ZNG1E: variants seen among roughly 807,000 people sequenced by gnomAD.
ZNG1E encodes the protein Zn regulated GTPase metalloprotein activator 1E.
At chr9:65,726,595 T>A in the ZNG1E span, among the ~76,000 whole-genome samples, 1 of 34,820 alleles carries the variant, frequency 2.9e-5, no homozygotes, top group African/African-American at 9.0e-5. Context: ...CTTATAGAAA[T>A]ATAAAATGCT....
At chr9:65,684,551 C>CACACGCACACAG in the ZNG1E span, among the ~76,000 whole-genome samples, 1 of 128,704 alleles carries the variant, frequency 7.8e-6, no homozygotes, top group African/African-American at 2.8e-5. Context: ...CACACGCACG[C>CACACGCACACAG]ACACACACAC....
chr9:65,694,797 C>CTGTG, the ZNG1E span: 1 of 116,472 alleles, frequency 8.6e-6, no homozygotes, highest in South Asian at 3.8e-4. Context: ...AAATGGTACC[C>CTGTG]TGTGGCCAGC....
chr9:65,662,549 A>G, the ZNG1E span, among the ~76,000 whole-genome samples: 1 of 151,670 alleles, frequency 6.6e-6, no homozygotes, highest in Non-Finnish European at 1.5e-5. Flanking sequence ...GTAAGTTGAA[A>G]TTGTTTCAAA....
chr9:65,672,421 A>C, the ZNG1E span, among the ~76,000 whole-genome samples: 1 of 151,242 alleles, frequency 6.6e-6, no homozygotes, highest in Non-Finnish European at 1.5e-5. Flanking sequence ...TCAATTTAAC[A>C]ATTTAACAAT....
At chr9:65,722,671 C>T in the ZNG1E span, among the ~76,000 whole-genome samples, 1 of 70,870 alleles carries the variant, frequency 1.4e-5, no homozygotes, top group African/African-American at 5.8e-5. Flanking sequence ...GCTGGGATTA[C>T]AGGCATGTAC....
chr9:65,719,543 A>G, the ZNG1E span: 1 of 124,576 alleles, frequency 8.0e-6, no homozygotes, highest in Admixed American at 8.5e-5. Context: ...AACTGACTAT[A>G]TAGAAAATTT....
At chr9:65,673,978 T>A in the ZNG1E span, among the ~76,000 whole-genome samples, 1 of 152,400 alleles carries the variant, frequency 6.6e-6, no homozygotes, top group East Asian at 1.9e-4. Flanking sequence ...TGACTGTGGG[T>A]GCAATGTTAC....
the ZNG1E span, among the ~76,000 whole-genome samples, chr9:65,714,808 A>G: frequency 2.6e-5 from 4 of 151,924 alleles, no homozygotes; most frequent in African/African-American, 9.7e-5. Flanking sequence ...CAAAGCTGTC[A>G]GACAGGGACA....
the ZNG1E span, among the ~76,000 whole-genome samples, chr9:65,721,314 A>G: frequency 7.1e-6 from 1 of 140,474 alleles, no homozygotes; most frequent in Non-Finnish European, 1.5e-5. Context: ...AAAGAATGAA[A>G]AGCTGTGTTT....
At chr9:65,668,173 T>A in the ZNG1E span, among the ~76,000 whole-genome samples, 1 of 151,930 alleles carries the variant, frequency 6.6e-6, no homozygotes, top group South Asian at 2.1e-4. Context: ...GTTATAATTT[T>A]ATGAATGCAC....
chr9:65,701,192 T>G, the ZNG1E span: 13 of 145,148 alleles, frequency 9.0e-5, no homozygotes, highest in Non-Finnish European at 1.2e-4. Flanking sequence ...GGCTCAAAAT[T>G]ACTATTCTTA....
chr9:65,693,579 A>G, the ZNG1E span: 11 of 780,136 alleles, frequency 1.4e-5, no homozygotes, highest in South Asian at 1.7e-5. Flanking sequence ...TTTTTTTGAG[A>G]CAGAGTCTCA....
chr9:65,671,532 C>A, the ZNG1E span, among the ~76,000 whole-genome samples: 1 of 152,092 alleles, frequency 6.6e-6, no homozygotes, highest in Non-Finnish European at 1.5e-5. Flanking sequence ...GTTGGCCAAG[C>A]TGATCTCAAG....
At chr9:65,669,793 C>T in the ZNG1E span, among the ~76,000 whole-genome samples, 1 of 152,036 alleles carries the variant, frequency 6.6e-6, no homozygotes, top group Admixed American at 6.6e-5. Context: ...TTTTCACCTG[C>T]TAGTCATCTT....
the ZNG1E span, among the ~76,000 whole-genome samples, chr9:65,658,958 C>T: frequency 6.6e-6 from 1 of 151,588 alleles, no homozygotes; most frequent in Non-Finnish European, 1.5e-5. Context: ...AAAGGCCCCA[C>T]GTCTAAATAC....
chr9:65,686,577 A>G, the ZNG1E span, among the ~76,000 whole-genome samples: 2 of 152,126 alleles, frequency 1.3e-5, no homozygotes, highest in African/African-American at 4.8e-5. Flanking sequence ...CGGAGGTGGC[A>G]GTGAGCTGAG....
At chr9:65,676,571 G>A in the ZNG1E span, among the ~76,000 whole-genome samples, 2 of 149,598 alleles carry the variant, frequency 1.3e-5, no homozygotes, top group African/African-American at 2.5e-5. Flanking sequence ...GCTTTCGTCA[G>A]CAGATTCCCC....
the ZNG1E span, among the ~76,000 whole-genome samples, chr9:65,688,200 T>G: frequency 1.4e-5 from 2 of 144,928 alleles, no homozygotes; most frequent in Non-Finnish European, 3.0e-5. Flanking sequence ...ATTAATTGGT[T>G]AAGTCAATAA....
At chr9:65,662,200 T>C in the ZNG1E span, among the ~76,000 whole-genome samples, 1 of 152,226 alleles carries the variant, frequency 6.6e-6, no homozygotes, top group Non-Finnish European at 1.5e-5. Context: ...TGCTGAAACA[T>C]AAGACAAATC....
Sources: allele counts gnomAD v4.1 joint callset (sites outside exome capture counted in the v4.1 genomes callset), GRCh38; gene constraint gnomAD v4.1.1; transcripts MANE v1.5; gene names NCBI Gene and HGNC (gene_info 2026-07-23, HGNC 2026-07-21).